LARS1: variants seen among roughly 807,000 people sequenced by gnomAD.
The protein encoded by LARS1 is leucine--tRNA ligase, cytoplasmic.
In LARS1, 100 loss-of-function variants were observed where a neutral mutation model predicts 162.8. The observed-to-expected ratio is 0.61, with a 90% confidence interval of 0.52 to 0.73. LARS1 has a LOEUF of 0.73. Ranked by LOEUF, LARS1 falls within the 30% of genes least tolerant of loss-of-function variation. The pLI is 0.00. For synonymous variants in LARS1, 457 were observed against 462.8 expected (o/e 0.99, Z 0.16); for missense variants, 1,258 against 1,408.9 (o/e 0.89, Z 1.71).
intron 5 of LARS1, among the ~76,000 whole-genome samples, chr5:146,167,496 A>C (rs1383493165): frequency 6.6e-6 from 1 of 151,114 alleles, no homozygotes; most frequent in African/African-American, 2.4e-5. Context: ...CTCCACCTCC[A>C]GGGTTCACGC....
At chr5:146,178,634 A>G (rs1754702078) in intron 1 of LARS1, among the ~76,000 whole-genome samples, 2 of 150,322 alleles carry the variant, frequency 1.3e-5, no homozygotes, top group Admixed American at 1.3e-4. Flanking sequence ...AAAAAAAAAT[A>G]CCTGGACTCT....
intron 14 of LARS1, 76 bp downstream of exon 14, chr5:146,151,786 T>G: frequency 7.6e-7 from 1 of 1,321,110 alleles, no homozygotes; most frequent in African/African-American, 1.5e-5. Flanking sequence ...GTTAAATTTT[T>G]CTACATTTTT....
intron 23 of LARS1, 91 bp downstream of exon 23, chr5:146,132,807 A>G (rs1752341315): frequency 3.1e-6 from 3 of 963,146 alleles, no homozygotes; most frequent in Non-Finnish European, 4.5e-6. Flanking sequence ...ATTTTATTAA[A>G]AAAAAAAAAG....
chr5:146,182,314 T>A (rs1191207991), intron 1 of LARS1, 174 bp downstream of exon 1: 5 of 745,118 alleles, frequency 6.7e-6, no homozygotes, highest in Non-Finnish European at 1.2e-5. Flanking sequence ...TTAACAGACA[T>A]CAGTTCGTGG....
intron 1 of LARS1, among the ~76,000 whole-genome samples, chr5:146,180,841 A>C (rs1221017576): frequency 6.6e-6 from 1 of 152,182 alleles, no homozygotes; most frequent in Non-Finnish European, 1.5e-5. Flanking sequence ...AAACTTTGGC[A>C]CTACTTACAC....
chr5:146,130,677 C>T (rs188461024), intron 24 of LARS1: 97 of 190,314 alleles, frequency 5.1e-4, no homozygotes, highest in African/African-American at 2.2e-3. Context: ...AAAACGCTTG[C>T]TCTCAAATTA....
At chr5:146,180,270 C>A (rs1270071124) in intron 1 of LARS1, among the ~76,000 whole-genome samples, 1 of 152,158 alleles carries the variant, frequency 6.6e-6, no homozygotes, top group Non-Finnish European at 1.5e-5. Context: ...CATTGGCTCA[C>A]ACCTGTAATC....
chr5:146,174,530 A>ATATCCATATATG (rs1754448761), intron 2 of LARS1, among the ~76,000 whole-genome samples: 1 of 96,228 alleles, frequency 1.0e-5, no homozygotes, highest in African/African-American at 2.9e-5. Flanking sequence ...CCATATATAT[A>ATATCCATATATG]TATATATCCA....
At chr5:146,128,829 C>T in intron 26 of LARS1, 47 bp from the exon 27 acceptor site, 1 of 1,531,910 alleles carries the variant, frequency 6.5e-7, no homozygotes, top group Non-Finnish European at 8.9e-7. Flanking sequence ...TTTATATAAA[C>T]CAAAAATGAG....
chr5:146,173,321 C>G (rs1754361312), intron 2 of LARS1, among the ~76,000 whole-genome samples: 1 of 151,772 alleles, frequency 6.6e-6, no homozygotes, highest in African/African-American at 2.4e-5. Flanking sequence ...CCACTGCACT[C>G]CAGCCTGGGC....
At chr5:146,170,572 T>C (rs1754218603) in intron 4 of LARS1, among the ~76,000 whole-genome samples, 1 of 152,122 alleles carries the variant, frequency 6.6e-6, no homozygotes, top group Admixed American at 6.5e-5. Flanking sequence ...CAATGTTGAA[T>C]TTCTTGGAGG....
intron 31 of LARS1, among the ~76,000 whole-genome samples, chr5:146,115,347 C>T (rs1764160850): frequency 6.6e-6 from 1 of 151,888 alleles, no homozygotes; most frequent in Admixed American, 6.6e-5. Flanking sequence ...CTCAGAGATA[C>T]TTTTGGATAA....
At chr5:146,115,047 A>G (rs113323707) in intron 31 of LARS1, among the ~76,000 whole-genome samples, 2,249 of 52,956 alleles carry the variant, frequency 0.042, 31 homozygotes, top group African/African-American at 0.11. Flanking sequence ...TGTCGGGGGG[A>G]AAAAAAAAAA....
rs139656271 is a variant in LARS1, at chr5:146,178,986, C to G, written c.7-1321G>C. Among the ~76,000 whole-genome samples, 815 of 152,202 alleles carry G rather than the reference C, an allele frequency of 5.4e-3. 4 individuals are homozygous for G. Among genetic ancestry groups the G allele is most frequent in the African/African-American group, 0.019 (775 of 41,556 alleles). ...GTGGCTCATGCCTGTAATCCCAGCACTTTGAGAGGCCGAGGCAGGTGGATC... is the reference window on the plus strand; with the variant it reads ...GTGGCTCATGCCTGTAATCCCAGCAGTTTGAGAGGCCGAGGCAGGTGGATC... On this transcript the variant is annotated intron_variant, in intron 1 of 31. Transcript: ENST00000394434.
At chr5:146,154,515 C>T (rs1325349977) in intron 10 of LARS1, among the ~76,000 whole-genome samples, 2 of 152,224 alleles carry the variant, frequency 1.3e-5, no homozygotes, top group Non-Finnish European at 2.9e-5. Flanking sequence ...CGGTGGCTAA[C>T]GCCTGTAAAC....
intron 30 of LARS1, among the ~76,000 whole-genome samples, chr5:146,120,944 A>G (rs917860859): frequency 1.3e-5 from 2 of 152,190 alleles, no homozygotes; most frequent in Non-Finnish European, 2.9e-5. Context: ...TCAAGATTCA[A>G]CATAAACCTA....
intron 31 of LARS1, among the ~76,000 whole-genome samples, chr5:146,117,997 C>T (rs967586026): frequency 6.6e-6 from 1 of 152,128 alleles, no homozygotes; most frequent in African/African-American, 2.4e-5. Context: ...ATCGAGCAAT[C>T]CCACTACTGG....
At chr5:146,139,094 G>A in intron 21 of LARS1, 1 of 249,826 alleles carries the variant, frequency 4.0e-6, no homozygotes, top group South Asian at 4.2e-5. Flanking sequence ...TGTAATCGCA[G>A]CACTTTGGGA....
At chr5:146,163,465 C>A (rs960354151) in intron 6 of LARS1, among the ~76,000 whole-genome samples, 1 of 152,152 alleles carries the variant, frequency 6.6e-6, no homozygotes, top group African/African-American at 2.4e-5. Context: ...ATGGGCAGAT[C>A]ACCTGAGGTC....
Sources: allele counts gnomAD v4.1 joint callset (sites outside exome capture counted in the v4.1 genomes callset), GRCh38; gene constraint gnomAD v4.1.1; transcripts MANE v1.5; gene names NCBI Gene and HGNC (gene_info 2026-07-23, HGNC 2026-07-21).